The following ATP6V0A1 variants were observed in gnomAD, a reference collection of about 807,000 sequenced individuals.
The protein encoded by ATP6V0A1 is ATPase H+ transporting V0 subunit a1.
ATP6V0A1 carries 43 observed loss-of-function variants against 105.4 expected under a neutral mutation model. The ratio of observed to expected loss-of-function variants is 0.41; its 90% CI spans 0.32 to 0.53. The LOEUF (loss-of-function observed/expected upper bound fraction) is 0.53, where lower values mean the gene tolerates loss of function less well. Among genes scored for constraint, ATP6V0A1 ranks in the 20% least tolerant of loss-of-function variants. The pLI, the probability that ATP6V0A1 is intolerant of heterozygous loss-of-function variation, is 0.30. For missense variants in ATP6V0A1, 676 were observed against 1,051.1 expected (o/e 0.64, Z 4.93); for synonymous variants, 362 against 372.8 (o/e 0.97, Z 0.33).
intron 9 of ATP6V0A1, among the ~76,000 whole-genome samples, chr17:42,486,835 C>T (rs542096674): frequency 2.0e-5 from 3 of 152,286 alleles, no homozygotes; most frequent in South Asian, 2.1e-4. Flanking sequence ...CATAGAAAGT[C>T]GTTGCTCTTT....
intron 17 of ATP6V0A1, among the ~76,000 whole-genome samples, chr17:42,505,118 C>T (rs1464618290): frequency 6.6e-6 from 1 of 152,042 alleles, no homozygotes; most frequent in African/African-American, 2.4e-5. Flanking sequence ...TCACTACAAC[C>T]TCCACCTCCC....
rs148690448 is a variant in ATP6V0A1 at position 42,513,986 on chromosome 17, C to T, written c.2248+8C>T. On this transcript the variant is annotated splice_region_variant and intron_variant, in intron 20 of 21. Transcript: ENST00000343619. ...TCAGCCTCGCTCATGCGCGTGAGTA[C>T]CTCTCTCCGGGCTCCGGAACTCTAG... 3 of 1,611,424 alleles carry T rather than the reference C, an allele frequency of 1.9e-6. No homozygotes were observed. The East Asian group carries it at 6.7e-5, about 36-fold the overall frequency.
In ATP6V0A1 at chr17:42,521,072, C is replaced by A. The variant is rs1431883295; in HGVS notation, c.2466C>A (p.Phe822Leu). The part of the protein sequence containing the change: ...NKFYSGTGFK[F>L]LPFSFEHIRE... ...TCTACAGCGGGACCGGTTTCAAGTTCTTACCCTTCTCCTTCGAGCATATTC... is the reference window on the plus strand; with the variant it reads ...TCTACAGCGGGACCGGTTTCAAGTTATTACCCTTCTCCTTCGAGCATATTC... The change falls in exon 22 of 22, where the codon TTC (phenylalanine) becomes TTA (leucine). Residue 822 changes from phenylalanine to leucine, a missense_variant. Transcript: ENST00000343619. The surrounding 1 kb of genome is among the most constrained non-coding windows in gnomAD (Gnocchi z 4.8). 6.2e-7 allele frequency: 1 copy of A among 1,610,872 alleles called. No individual in the cohort carries two copies. The highest frequency in any genetic ancestry group is 8.5e-7 in the Non-Finnish European group (1 of 1,178,532).
chr17:42,493,800 A>G (rs1482388636), intron 11 of ATP6V0A1, among the ~76,000 whole-genome samples: 1 of 152,010 alleles, frequency 6.6e-6, no homozygotes, highest in Non-Finnish European at 1.5e-5. Flanking sequence ...GGTGGCAGAG[A>G]AAGACCCCAT....
At chr17:42,508,499 T>C in intron 18 of ATP6V0A1, 73 bp from the exon 19 acceptor site, 2 of 1,586,130 alleles carry the variant, frequency 1.3e-6, no homozygotes, top group Non-Finnish European at 1.7e-6. Context: ...AAGCATTCAG[T>C]AGCCTTGTGC....
intron 11 of ATP6V0A1, among the ~76,000 whole-genome samples, chr17:42,493,922 G>A (rs1250014666): frequency 6.6e-6 from 1 of 152,116 alleles, no homozygotes; most frequent in Non-Finnish European, 1.5e-5. Flanking sequence ...TCTGGCAGCT[G>A]GGGAGTAAGT....
intron 2 of ATP6V0A1, among the ~76,000 whole-genome samples, chr17:42,465,067 A>C (rs1363757403): frequency 6.6e-6 from 1 of 152,138 alleles, no homozygotes; most frequent in Admixed American, 6.5e-5. Flanking sequence ...ATCTTGGCTC[A>C]CTGCAACCTC....
intron 18 of ATP6V0A1, 70 bp downstream of exon 18, chr17:42,507,697 G>A (rs1157917058): frequency 2.4e-6 from 3 of 1,232,684 alleles, no homozygotes; most frequent in East Asian, 2.3e-5. Context: ...TACCTAAGAG[G>A]CCTCACTCCA....
intron 19 of ATP6V0A1, among the ~76,000 whole-genome samples, chr17:42,512,808 A>G (rs2092412529): frequency 2.0e-5 from 3 of 152,206 alleles, no homozygotes; most frequent in Non-Finnish European, 4.4e-5. Context: ...GCGGTGAAAA[A>G]TAGACCCTGA....
rs2092429928 is a variant in ATP6V0A1 at position 42,513,111 on chromosome 17, A to AC, written c.2131-749dup. Among the ~76,000 whole-genome samples, 4 of 152,326 alleles carry AC rather than the reference A, an allele frequency of 2.6e-5. 1 individual carries two copies. The South Asian group carries it at 8.3e-4, about 32-fold the overall frequency. On this transcript the variant is annotated intron_variant, in intron 19 of 21. Coordinates refer to ENST00000343619, the MANE Select transcript of ATP6V0A1 (RefSeq NM_001130021.3). ...AATAATTCTTGGTATTGAAAGGAAAACTGGGACAAAGGGAGCTTGAGGAAA... is the reference window on the plus strand; with the variant it reads ...AATAATTCTTGGTATTGAAAGGAAAACCTGGGACAAAGGGAGCTTGAGGAAA...
At chr17:42,517,141 G>A (rs892404425) in intron 21 of ATP6V0A1, among the ~76,000 whole-genome samples, 5 of 152,178 alleles carry the variant, frequency 3.3e-5, no homozygotes, top group Admixed American at 2.0e-4. Flanking sequence ...TTAGCTGGGC[G>A]TGATGGTGGG....
intron 15 of ATP6V0A1, among the ~76,000 whole-genome samples, chr17:42,499,452 CAG>C: frequency 6.6e-6 from 1 of 151,544 alleles, no homozygotes; most frequent in Non-Finnish European, 1.5e-5. Flanking sequence ...GCCTGAGCGA[CAG>C]AGTGAGACTC....
rs1380447879 is a variant in ATP6V0A1, at chr17:42,522,262, C to T, written c.*1142C>T. The stretch of plus-strand genomic sequence containing the variant: ...TGGCAGCCCTGGCTAAGTTAATCCC[C>T]ACCGCTTTCAGTGGTAGAAAGAATT... On this transcript the variant is annotated 3_prime_UTR_variant, in exon 22 of 22. Coordinates refer to ENST00000343619, the MANE Select transcript of ATP6V0A1 (RefSeq NM_001130021.3). 1 of 152,522 alleles carries T rather than the reference C, an allele frequency of 6.6e-6. No homozygotes were observed. Among genetic ancestry groups the T allele is most frequent in the Non-Finnish European group, 1.5e-5 (1 of 68,170 alleles). The allele number at this position is 152,522 out of a possible 1,614,324, so 9.4% of individuals were successfully genotyped here. A position where few individuals can be genotyped will look rare whatever the true frequency, so the allele number is the denominator to read the frequency against.
rs766360581 is a variant in ATP6V0A1, at chr17:42,480,675, C to T, written c.642C>T (p.Tyr214=). The part of the protein sequence containing the change: ...NPLEDPVTGD[Y]VHKSVFIIFF... ...TTTATTCTGGGGCCTAGGGCGACTA[C>T]GTGCACAAGTCTGTGTTTATCATTT... Residue 214 remains tyrosine (Y), a synonymous_variant, in exon 8 of 22, where the codon TAC becomes TAT. Coordinates refer to ENST00000343619, the MANE Select transcript of ATP6V0A1 (RefSeq NM_001130021.3). 1.6e-5 allele frequency: 25 copies of T among 1,611,226 alleles called. No homozygotes were observed. Among genetic ancestry groups the T allele is most frequent in the Non-Finnish European group, 2.0e-5 (23 of 1,179,036 alleles).
chr17:42,494,410 C>G lies in ATP6V0A1; in HGVS notation c.1251C>G (p.Thr417=). 6.2e-7 allele frequency: 1 copy of G among 1,613,322 alleles called. No homozygotes were observed. The highest frequency in any genetic ancestry group is 8.5e-7 in the Non-Finnish European group (1 of 1,179,592). The change falls in exon 12 of 22, where the codon ACC becomes ACG. Residue 417 remains threonine (T), a synonymous_variant. Transcript: ENST00000343619. ...FGDFGHGILM[T]LFAVWMVLRE... ...ACTTCGGTCATGGCATTTTAATGAC[C>G]CTTTTTGCTGTGTGGATGGTACTGA...
At chr17:42,489,298 G>C (rs2090411833) in intron 10 of ATP6V0A1, among the ~76,000 whole-genome samples, 1 of 151,780 alleles carries the variant, frequency 6.6e-6, no homozygotes, top group Non-Finnish European at 1.5e-5. Flanking sequence ...CCAAGCTGGT[G>C]TCGAACTCCT....
intron 4 of ATP6V0A1, among the ~76,000 whole-genome samples, chr17:42,468,441 A>G (rs2087405404): frequency 6.6e-6 from 1 of 152,154 alleles, no homozygotes; most frequent in Non-Finnish European, 1.5e-5. Flanking sequence ...GCTGTTAACT[A>G]TAGGCACCCT....
rs747500726 is a variant in ATP6V0A1, at chr17:42,477,749, G to A, written c.506+7G>A. On this transcript the variant is annotated splice_region_variant and intron_variant, in intron 6 of 21. Coordinates refer to ENST00000343619, the MANE Select transcript of ATP6V0A1 (RefSeq NM_001130021.3). ...GCACTCCTTTAAGACTTGGGTAAGT[G>A]CCATGTCAACTTTTCGGTATTCAGT... 1.2e-6 allele frequency: 2 copies of A among 1,608,526 alleles called. No individual in the cohort carries two copies. Among genetic ancestry groups the A allele is most frequent in the Non-Finnish European group, 1.7e-6 (2 of 1,175,510 alleles).
At chr17:42,496,061 CA>C (rs11352520) in intron 14 of ATP6V0A1, 55,292 of 96,218 alleles carry the variant, frequency 0.57, 12,672 homozygotes, top group Admixed American at 0.66. Context: ...GACTCCGTCT[CA>C]AAAAAAAAAA....
Sources: gnomAD v4.1 joint callset for allele counts (sites outside exome capture counted in the v4.1 genomes callset) on GRCh38, gnomAD v4.1.1 for gene constraint, Gnocchi (gnomAD v3.1) non-coding constraint, MANE v1.5 for transcripts, NCBI Gene and HGNC (gene_info 2026-07-23, HGNC 2026-07-21) for gene names.